TENM2: variants seen among roughly 807,000 people sequenced by gnomAD.
TENM2 encodes the protein teneurin transmembrane protein 2.
In TENM2, 52 loss-of-function variants were observed where a neutral mutation model predicts 245.2. The ratio of observed to expected loss-of-function variants is 0.21; its 90% CI spans 0.17 to 0.27. TENM2 has a LOEUF of 0.27. Among genes scored for constraint, TENM2 ranks in the 10% least tolerant of loss-of-function variants. The pLI, the probability that TENM2 is intolerant of heterozygous loss-of-function variation, is 1.00. For synonymous variants in TENM2, 1,363 were observed against 1,438.9 expected, an observed-to-expected ratio of 0.95 and a Z score of 1.19; for missense variants, 3,046 against 3,666.8, an observed-to-expected ratio of 0.83 and a Z score of 4.37.
chr5:167,836,432 G>C (rs1199824618), intron 2 of TENM2, among the ~76,000 whole-genome samples: 1 of 152,210 alleles, frequency 6.6e-6, no homozygotes, highest in Non-Finnish European at 1.5e-5. Context: ...TCCAATTGAG[G>C]TGGCAGCCTC....
At chr5:167,081,878 C>T in the TENM2 span, among the ~76,000 whole-genome samples, 5 of 152,156 alleles carry the variant, frequency 3.3e-5, no homozygotes, top group South Asian at 2.1e-4. Flanking sequence ...AGGCACAGAA[C>T]GTTTATTTCT....
the TENM2 span, among the ~76,000 whole-genome samples, chr5:166,988,422 C>G: frequency 6.6e-6 from 1 of 152,206 alleles, no homozygotes; most frequent in African/African-American, 2.4e-5. Context: ...GCCAGTCCTT[C>G]TGAATGCAGT....
the TENM2 span, among the ~76,000 whole-genome samples, chr5:167,062,514 T>C: frequency 8.2e-6 from 1 of 121,894 alleles, no homozygotes; most frequent in African/African-American, 3.5e-5. Flanking sequence ...AAAAAAAAAA[T>C]CTGTGTCTGG....
At chr5:168,245,572 TAAA>T (rs35630506) in intron 26 of TENM2, among the ~76,000 whole-genome samples, 62 of 120,020 alleles carry the variant, frequency 5.2e-4, no homozygotes, top group Non-Finnish European at 4.4e-4. Context: ...GGAGTGGCGG[TAAA>T]AAAAAAAAAA....
At chr5:168,088,332 G>A (rs1792636353) in intron 7 of TENM2, 1 of 152,174 alleles carries the variant, frequency 6.6e-6, no homozygotes, top group African/African-American at 2.4e-5. Context: ...GCTTTGATTA[G>A]AAAGGTCTCC....
At chr5:168,082,245 C>A (rs1360568414) in intron 7 of TENM2, among the ~76,000 whole-genome samples, 1 of 152,162 alleles carries the variant, frequency 6.6e-6, no homozygotes, top group East Asian at 1.9e-4. Context: ...CTTGTGCATG[C>A]GTCACGTAGT....
chr5:168,067,309 T>C (rs1166148037), intron 7 of TENM2, among the ~76,000 whole-genome samples: 5 of 152,100 alleles, frequency 3.3e-5, no homozygotes, highest in Admixed American at 6.5e-5. Flanking sequence ...GAGGTATCTA[T>C]GGGATGGGAA....
intron 5 of TENM2, 143 bp from the exon 8 acceptor site, chr5:168,047,283 TA>T: frequency 1.2e-6 from 1 of 834,956 alleles, no homozygotes; most frequent in Non-Finnish European, 1.9e-6. Flanking sequence ...TGTATTTAGC[TA>T]ATCCCTGTGG....
chr5:167,411,795 C>G (rs1762925886), intron 2 of TENM2, among the ~76,000 whole-genome samples: 2 of 152,012 alleles, frequency 1.3e-5, no homozygotes, highest in Non-Finnish European at 2.9e-5. Flanking sequence ...GAATCATCAT[C>G]AATGTATCGA....
At chr5:167,141,888 G>A in the TENM2 span, among the ~76,000 whole-genome samples, 1 of 152,162 alleles carries the variant, frequency 6.6e-6, no homozygotes, top group African/African-American at 2.4e-5. Flanking sequence ...AATTTGATGG[G>A]CACAGTGTCA....
chr5:167,983,094 G>T (rs1782964089), intron 4 of TENM2, among the ~76,000 whole-genome samples: 1 of 150,656 alleles, frequency 6.6e-6, no homozygotes, highest in Admixed American at 6.6e-5. Flanking sequence ...AGACGTCTTT[G>T]TTTTTCTTCC....
intron 2 of TENM2, among the ~76,000 whole-genome samples, chr5:167,433,045 C>T (rs560046080): frequency 1.4e-4 from 22 of 152,088 alleles, no homozygotes; most frequent in African/African-American, 3.6e-4. Flanking sequence ...TTCTTTTGCT[C>T]TGCCAAAAGA....
intron 2 of TENM2, among the ~76,000 whole-genome samples, chr5:167,504,978 A>T (rs1769444446): frequency 1.3e-5 from 2 of 152,098 alleles, no homozygotes; most frequent in Non-Finnish European, 2.9e-5. Flanking sequence ...GCACAAAAGG[A>T]AGTGGTGGTT....
At chr5:168,217,599 T>C (rs1213451370) in intron 22 of TENM2, among the ~76,000 whole-genome samples, 1 of 152,256 alleles carries the variant, frequency 6.6e-6, no homozygotes, top group East Asian at 1.9e-4. Flanking sequence ...TCGGTTCCGT[T>C]TATTTTTTAA....
At chr5:167,605,430 C>T (rs553193076) in intron 2 of TENM2, among the ~76,000 whole-genome samples, 8 of 152,210 alleles carry the variant, frequency 5.3e-5, no homozygotes, top group Admixed American at 4.6e-4. Context: ...GATGAAATAT[C>T]ACCTTATCCA....
intron 9 of TENM2, among the ~76,000 whole-genome samples, chr5:168,113,728 A>G (rs1235304411): frequency 6.6e-6 from 1 of 152,220 alleles, no homozygotes; most frequent in Admixed American, 6.5e-5. Flanking sequence ...CTTGTCAGTT[A>G]TTAGTGGTTG....
At chr5:167,343,095 G>A (rs1416474484) in intron 1 of TENM2, among the ~76,000 whole-genome samples, 1 of 151,760 alleles carries the variant, frequency 6.6e-6, no homozygotes, top group Non-Finnish European at 1.5e-5. Flanking sequence ...TATTTACTTT[G>A]TTGCTCAAGT....
chr5:167,874,210 T>C (rs1326896181), intron 2 of TENM2, among the ~76,000 whole-genome samples: 1 of 152,208 alleles, frequency 6.6e-6, no homozygotes, highest in Non-Finnish European at 1.5e-5. Context: ...CTTTTTATCA[T>C]GTGGCACTGA....
chr5:167,305,588 A>C (rs1755624542), intron 1 of TENM2, among the ~76,000 whole-genome samples: 1 of 152,220 alleles, frequency 6.6e-6, no homozygotes, highest in Non-Finnish European at 1.5e-5. Flanking sequence ...TTTACATCTC[A>C]AGAGGATGAT....
Sources: allele counts gnomAD v4.1 joint callset (sites outside exome capture counted in the v4.1 genomes callset), GRCh38; gene constraint gnomAD v4.1.1; transcripts MANE v1.5; gene names NCBI Gene and HGNC (gene_info 2026-07-23, HGNC 2026-07-21).